SEMA6D: variants seen among roughly 807,000 people sequenced by gnomAD.
The protein encoded by SEMA6D is semaphorin-6D.
SEMA6D carries 35 observed loss-of-function variants against 106.6 expected under a neutral mutation model. The ratio of observed to expected loss-of-function variants is 0.33; its 90% CI spans 0.25 to 0.44. The LOEUF is 0.44. Ranked by LOEUF, SEMA6D falls within the 20% of genes least tolerant of loss-of-function variation. SEMA6D has a pLI of 1.00. For synonymous variants in SEMA6D, 499 were observed against 487.7 expected (o/e 1.02, Z -0.31); for missense variants, 1,185 against 1,345.9 (o/e 0.88, Z 1.87).
In SEMA6D at chr15:47,500,375, T is replaced by C. The variant is rs1054364111; in HGVS notation, c.-87+29830T>C. On this transcript the variant is annotated intron_variant, in intron 3 of 19. Coordinates refer to the SEMA6D transcript ENST00000558014. ...CTAAATTGTATATTTCTGTGGCCAATAATTGTGACTTTATTAAATATATTT... is the reference window on the plus strand; with the variant it reads ...CTAAATTGTATATTTCTGTGGCCAACAATTGTGACTTTATTAAATATATTT... 6.6e-5 allele frequency among the ~76,000 whole-genome samples: 10 copies of C among 152,214 alleles called. No homozygotes were observed. The South Asian group carries it at 2.1e-3, about 32-fold the overall frequency.
rs57079521 is a variant in SEMA6D, at chr15:47,207,993, G to GCACACACACACACACA, written c.-239+23617_-239+23632dup. ...AGGTACAGTAGCCACTGGCGCGCGC[G>GCACACACACACACACA]CACACACACACACACACACACACAC... On this transcript the variant is annotated intron_variant, in intron 1 of 19. Transcript: ENST00000558014. 4.2e-4 allele frequency among the ~76,000 whole-genome samples: 38 copies of GCACACACACACACACA among 89,440 alleles called. 1 individual carries two copies. The highest frequency in any genetic ancestry group is 5.6e-4 in the East Asian group (1 of 1,778). 58.7% of individuals were successfully genotyped at this position (89,440 alleles called of 152,430 possible).
chr15:47,715,387 C>T (rs1267333310), upstream of SEMA6D, among the ~76,000 whole-genome samples: 3 of 152,170 alleles, frequency 2.0e-5, no homozygotes, highest in Admixed American at 6.5e-5. Context: ...GACTTCTTTC[C>T]ACTAAAATCC....
At chr15:47,718,940 C>G (rs952131932) in intron 1 of SEMA6D, 1 of 152,290 alleles carries the variant, frequency 6.6e-6, no homozygotes, top group East Asian at 1.9e-4. Flanking sequence ...GAAACTGATA[C>G]AGTAGCCTCC....
intron 3 of SEMA6D, among the ~76,000 whole-genome samples, chr15:47,598,662 G>T (rs1310283089): frequency 2.6e-5 from 4 of 152,074 alleles, no homozygotes; most frequent in Admixed American, 2.0e-4. Context: ...AGTCTTTCCA[G>T]CTGTAAGTGG....
At chr15:47,318,433 A>G (rs1477056570) in intron 1 of SEMA6D, among the ~76,000 whole-genome samples, 2 of 108,296 alleles carry the variant, frequency 1.8e-5, no homozygotes, top group Non-Finnish European at 3.7e-5. Flanking sequence ...CCACCCCACA[A>G]CAGTCCCCAG....
At chr15:47,439,039 G>A (rs395722) in intron 2 of SEMA6D, among the ~76,000 whole-genome samples, 119,925 of 151,366 alleles carry the variant, frequency 0.79, 48,552 homozygotes, top group East Asian at 0.98. Context: ...GAGTTCACCA[G>A]CTAAAAGAAA....
At chr15:47,252,783 T>TATCC (rs1373249738) in intron 1 of SEMA6D, among the ~76,000 whole-genome samples, 1 of 152,216 alleles carries the variant, frequency 6.6e-6, no homozygotes, top group African/African-American at 2.4e-5. Flanking sequence ...ACATTTTCTT[T>TATCC]ATCCATTCAT....
intron 1 of SEMA6D, among the ~76,000 whole-genome samples, chr15:47,277,011 G>T (rs62015681): frequency 0.017 from 2,596 of 152,148 alleles, 48 homozygotes; most frequent in African/African-American, 0.02. Context: ...CTTCAGTGGA[G>T]GAAATAACTG....
chr15:47,328,784 G>A (rs4421922), intron 1 of SEMA6D, among the ~76,000 whole-genome samples: 2,224 of 152,278 alleles, frequency 0.015, 57 homozygotes, highest in African/African-American at 0.052. Flanking sequence ...AAGGAGGAAG[G>A]AAAGAAATGG....
At chr15:47,362,370 G>C (rs961171947) in intron 1 of SEMA6D, among the ~76,000 whole-genome samples, 1 of 152,194 alleles carries the variant, frequency 6.6e-6, no homozygotes, top group Non-Finnish European at 1.5e-5. Flanking sequence ...CAAGAATGGA[G>C]ATGCTTGTTT....
At chr15:47,730,475 A>C in intron 1 of SEMA6D, 1 of 1,319,472 alleles carries the variant, frequency 7.6e-7, no homozygotes, top group South Asian at 1.2e-5. Context: ...GTGTGCAATC[A>C]GCACCAGCTG....
chr15:47,408,826 G>A (rs984719882), intron 1 of SEMA6D, among the ~76,000 whole-genome samples: 6 of 152,196 alleles, frequency 3.9e-5, no homozygotes, highest in Non-Finnish European at 5.9e-5. Flanking sequence ...CTCGAAGGAA[G>A]CATGAGCCTC....
At chr15:47,553,447 A>G (rs1024185166) in intron 3 of SEMA6D, among the ~76,000 whole-genome samples, 4 of 152,162 alleles carry the variant, frequency 2.6e-5, no homozygotes, top group African/African-American at 4.8e-5. Context: ...ACCCGCGCCT[A>G]TCAGCCTATC....
At chr15:47,261,312 G>A (rs1024034107) in intron 1 of SEMA6D, among the ~76,000 whole-genome samples, 1 of 152,130 alleles carries the variant, frequency 6.6e-6, no homozygotes, top group Non-Finnish European at 1.5e-5. Context: ...GACCTGCCAG[G>A]TTAGGTGAAT....
chr15:47,711,816 G>T (rs189991541), intron 4 of SEMA6D, among the ~76,000 whole-genome samples: 102 of 152,264 alleles, frequency 6.7e-4, no homozygotes, highest in African/African-American at 2.4e-3. Context: ...TTGGAAAGAT[G>T]GAAATTACCC....
chr15:47,580,428 T>C (rs915893885), intron 3 of SEMA6D, among the ~76,000 whole-genome samples: 1 of 152,228 alleles, frequency 6.6e-6, no homozygotes, highest in Non-Finnish European at 1.5e-5. Context: ...AGGACCTAGG[T>C]AGATATCTGA....
intron 1 of SEMA6D, among the ~76,000 whole-genome samples, chr15:47,191,789 A>C (rs1402049982): frequency 6.6e-6 from 1 of 152,174 alleles, no homozygotes; most frequent in Non-Finnish European, 1.5e-5. Flanking sequence ...GCTTAATGGG[A>C]GAATTGAAGC....
At chr15:47,596,125 A>C (rs1419692011) in intron 3 of SEMA6D, among the ~76,000 whole-genome samples, 1 of 152,124 alleles carries the variant, frequency 6.6e-6, no homozygotes, top group Non-Finnish European at 1.5e-5. Context: ...AACAAAAAGC[A>C]GTAGTATTTC....
intron 2 of SEMA6D, among the ~76,000 whole-genome samples, chr15:47,431,436 C>G (rs1264460249): frequency 3.3e-5 from 5 of 152,088 alleles, no homozygotes; most frequent in Admixed American, 3.3e-4. Context: ...AAATCTTTAC[C>G]CCTTTTTCTG....
Sources: gnomAD v4.1 joint callset for allele counts (sites outside exome capture counted in the v4.1 genomes callset) on GRCh38, gnomAD v4.1.1 for gene constraint, MANE v1.5 for transcripts, NCBI Gene and HGNC (gene_info 2026-07-23, HGNC 2026-07-21) for gene names.